Variants in CNTNAP2 observed in about 807,000 individuals in gnomAD.
The protein encoded by CNTNAP2 is contactin associated protein 2.
A neutral mutation model predicts 155.2 loss-of-function variants in CNTNAP2; 98 were observed. The ratio of observed to expected loss-of-function variants is 0.63; its 90% CI spans 0.54 to 0.75. The LOEUF (loss-of-function observed/expected upper bound fraction) is 0.75, where lower values mean the gene tolerates loss of function less well. CNTNAP2 is among the 30% of genes least tolerant of loss of function. CNTNAP2 has a pLI of 0.00. For synonymous variants in CNTNAP2, 651 were observed against 631.2 expected (o/e 1.03, Z -0.47); for missense variants, 1,727 against 1,688.1 (o/e 1.02, Z -0.40).
At chr7:147,008,806 T>C (rs1798571675) in intron 3 of CNTNAP2, among the ~76,000 whole-genome samples, 1 of 152,110 alleles carries the variant, frequency 6.6e-6, no homozygotes, top group South Asian at 2.1e-4. Flanking sequence ...TATCTGGACT[T>C]TTTCTCTGTA....
chr7:148,135,930 T>C (rs1310527074), intron 16 of CNTNAP2, among the ~76,000 whole-genome samples: 1 of 95,306 alleles, frequency 1.0e-5, no homozygotes, highest in Non-Finnish European at 2.0e-5. Flanking sequence ...GAAACCACAC[T>C]GGAAGGAGGA....
chr7:147,732,408 T>C (rs1247719070), intron 13 of CNTNAP2, among the ~76,000 whole-genome samples: 1 of 152,166 alleles, frequency 6.6e-6, no homozygotes, highest in African/African-American at 2.4e-5. Flanking sequence ...GGTGTATATG[T>C]GCCACATTTT....
intron 9 of CNTNAP2, among the ~76,000 whole-genome samples, chr7:147,391,932 TTCATTTGTAATAGTTC>T (rs1246208947): frequency 3.3e-5 from 5 of 152,160 alleles, no homozygotes; most frequent in Admixed American, 2.6e-4. Flanking sequence ...GCCTGGCTTC[TTCATTTGTAATAGTTC>T]TTCTTTAGCT....
At chr7:146,217,451 G>T (rs1642959298) in intron 1 of CNTNAP2, among the ~76,000 whole-genome samples, 1 of 152,104 alleles carries the variant, frequency 6.6e-6, no homozygotes, top group African/African-American at 2.4e-5. Context: ...TTGGTATACA[G>T]ATCATTTCAT....
chr7:147,021,568 T>G (rs1282498091), intron 3 of CNTNAP2, among the ~76,000 whole-genome samples: 2 of 152,176 alleles, frequency 1.3e-5, no homozygotes, highest in Non-Finnish European at 2.9e-5. Flanking sequence ...GTCATGTGTC[T>G]CACTTCACTC....
chr7:146,802,030 T>G (rs141362869), intron 2 of CNTNAP2, among the ~76,000 whole-genome samples: 1 of 152,294 alleles, frequency 6.6e-6, no homozygotes, highest in African/African-American at 2.4e-5. Flanking sequence ...TAGATAGAAT[T>G]GTTGTGTTGA....
intron 1 of CNTNAP2, among the ~76,000 whole-genome samples, chr7:146,260,854 G>A (rs901858153): frequency 1.5e-4 from 23 of 152,294 alleles, no homozygotes; most frequent in Admixed American, 7.2e-4. Flanking sequence ...GACTGGTTTC[G>A]AAGTGTGAAA....
Position 146,773,007 on chromosome 7 carries a change from G to A in CNTNAP2, c.98-1264G>A, listed in dbSNP as rs539667624. Among the ~76,000 whole-genome samples the A allele has an allele frequency of 4.6e-5, 7 of 152,266 alleles. No homozygotes were observed. In the East Asian group the frequency reaches 1.4e-3, roughly 30 times the overall value. On this transcript the variant is annotated intron_variant, in intron 1 of 23. Transcript: ENST00000361727. ...GGAAGCTGTATGTGCCCTATCTGTAGCTATGGAGTTGAAGTGAGGCAGTAG... is the reference window on the plus strand; with the variant it reads ...GGAAGCTGTATGTGCCCTATCTGTAACTATGGAGTTGAAGTGAGGCAGTAG...
At chr7:146,117,456 G>T (rs542868342) in intron 1 of CNTNAP2, among the ~76,000 whole-genome samples, 3 of 152,212 alleles carry the variant, frequency 2.0e-5, no homozygotes, top group East Asian at 3.9e-4. Context: ...AACCTCTCCC[G>T]TTCCCTTAAA....
At chr7:147,035,928 C>T (rs1345717801) in intron 3 of CNTNAP2, among the ~76,000 whole-genome samples, 1 of 152,146 alleles carries the variant, frequency 6.6e-6, no homozygotes, top group Non-Finnish European at 1.5e-5. Context: ...TATATAGTCT[C>T]CTCCAGTTTG....
At chr7:148,087,500 C>A (rs1803756390) in intron 15 of CNTNAP2, among the ~76,000 whole-genome samples, 1 of 152,128 alleles carries the variant, frequency 6.6e-6, no homozygotes. Context: ...GACCCAACTT[C>A]TTTCAGTCAA....
chr7:146,929,307 C>A (rs376335662), intron 3 of CNTNAP2, among the ~76,000 whole-genome samples: 5 of 152,218 alleles, frequency 3.3e-5, no homozygotes, highest in East Asian at 1.9e-4. Flanking sequence ...GCAGCCACCA[C>A]TACTGATACC....
chr7:148,270,212 A>G (rs1222734644), intron 21 of CNTNAP2, among the ~76,000 whole-genome samples: 2 of 152,236 alleles, frequency 1.3e-5, no homozygotes, highest in Admixed American at 1.3e-4. Flanking sequence ...ACAACTAAGA[A>G]TGTACCTTGA....
At chr7:146,566,720 T>C (rs1798363049) in intron 1 of CNTNAP2, among the ~76,000 whole-genome samples, 1 of 151,230 alleles carries the variant, frequency 6.6e-6, no homozygotes, top group Non-Finnish European at 1.5e-5. Flanking sequence ...AAAATAAAAA[T>C]TAAAATTAAA....
chr7:147,573,807 T>C (rs1050209065), intron 12 of CNTNAP2, among the ~76,000 whole-genome samples: 2 of 152,190 alleles, frequency 1.3e-5, no homozygotes, highest in African/African-American at 4.8e-5. Flanking sequence ...CCCCCCTATA[T>C]TGGAATGCAT....
chr7:146,269,933 T>G (rs1166267460), intron 1 of CNTNAP2, among the ~76,000 whole-genome samples: 1 of 152,182 alleles, frequency 6.6e-6, no homozygotes, highest in Non-Finnish European at 1.5e-5. Context: ...TTTCAAATAT[T>G]GTAAGATCTT....
rs1799782718 is a variant in CNTNAP2, at chr7:147,896,703, T to C, written c.2099-6862T>C. Among the ~76,000 whole-genome samples, 3 of 152,102 alleles carry C rather than the reference T, an allele frequency of 2.0e-5. No homozygotes were observed. The South Asian group carries it at 6.2e-4, about 32-fold the overall frequency. ...CTGCAGAATATCTCAAGCACTGATT[T>C]TAGGAGAAGTTTAGGGAGGGTCAGA... On this transcript the variant is annotated intron_variant, in intron 13 of 23. Coordinates refer to ENST00000361727, the MANE Select transcript of CNTNAP2 (RefSeq NM_014141.6).
intron 8 of CNTNAP2, among the ~76,000 whole-genome samples, chr7:147,148,599 A>AAG (rs1801760876): frequency 6.6e-6 from 1 of 152,162 alleles, no homozygotes; most frequent in Non-Finnish European, 1.5e-5. Context: ...ACAGTTCTTA[A>AAG]AGATGGCGTG....
chr7:148,215,473 TTTATTCATGGCCTTCCCCAG>T (rs1795620170), intron 18 of CNTNAP2, among the ~76,000 whole-genome samples: 1 of 151,846 alleles, frequency 6.6e-6, no homozygotes, highest in Non-Finnish European at 1.5e-5. Context: ...TGATCAGGCA[TTTATTCATGGCCTTCCCCAG>T]CTCCATTTCT....
Sources: allele counts gnomAD v4.1 joint callset (sites outside exome capture counted in the v4.1 genomes callset), GRCh38; gene constraint gnomAD v4.1.1; transcripts MANE v1.5; gene names NCBI Gene and HGNC (gene_info 2026-07-23, HGNC 2026-07-21).